Variants in LSS observed in about 807,000 individuals in gnomAD.
LSS encodes the protein lanosterol synthase, also known as 2,3-epoxysqualene-lanosterol cyclase.
Under a neutral mutation model 110.3 loss-of-function variants are expected in LSS, and 90 were observed. The ratio of observed to expected loss-of-function variants is 0.82; its 90% CI spans 0.69 to 0.97. The LOEUF is 0.97. Ranked by LOEUF, LSS falls within the 50% of genes least tolerant of loss-of-function variation. The probability of loss-of-function intolerance (pLI) is 0.00; values close to 1 mark genes in which losing one functional copy is unlikely to be tolerated. For missense variants in LSS, 927 were observed against 990.0 expected (o/e 0.94, Z 0.85); for synonymous variants, 433 against 400.0 (o/e 1.08, Z -0.98).
chr21:46,219,594 C>A (rs1044177241), intron 5 of LSS, 22 bp from the exon 6 acceptor site: 3 of 1,466,416 alleles, frequency 2.0e-6, no homozygotes, highest in Non-Finnish European at 2.8e-6. Context: ...GAGAATAGGC[C>A]CACGTCATCT....
rs185711203 is a variant in LSS, at chr21:46,190,254, T to C, written c.*850A>G. 1 of 174,618 alleles carries C rather than the reference T, an allele frequency of 5.7e-6. No homozygotes were observed. The highest frequency in any genetic ancestry group is 2.5e-5 in the African/African-American group (1 of 40,302). 10.8% of individuals were successfully genotyped at this position (174,618 alleles called of 1,614,324 possible). On this transcript the variant is annotated 3_prime_UTR_variant, in exon 22 of 22. Coordinates refer to ENST00000397728, the MANE Select transcript of LSS (RefSeq NM_002340.6). The surrounding 1 kb of genome is among the most constrained non-coding windows in gnomAD (Gnocchi z 4.6). Reference sequence around the variant, plus strand: ...TCGGCCTCCCCTGTGCATTTCTGTGTCCGTAAGTGTCCCCTGTGCATTTCT... The same window carrying C: ...TCGGCCTCCCCTGTGCATTTCTGTGCCCGTAAGTGTCCCCTGTGCATTTCT...
chr21:46,228,477 C>G lies in LSS; in HGVS notation c.137G>C (p.Arg46Pro), dbSNP rs767976178. ...WTYLQDERAG[R>P]EQTGLEAYAL... ...GTAGGCTTCCAGGCCGGTCTGCTCG[C>G]GGCCGGCGCGCTCGTCCTGCAGGTA... The change falls in exon 2 of 22, where the codon CGC becomes CCC. Residue 46 changes from arginine to proline, a missense_variant. Transcript: ENST00000397728. The G allele has an allele frequency of 6.2e-7, 1 of 1,603,468 alleles. No individual in the cohort carries two copies. The highest frequency in any genetic ancestry group is 1.1e-5 in the South Asian group (1 of 91,046).
rs549381449 is a variant in LSS, at chr21:46,190,278, C to G, written c.*826G>C. On this transcript the variant is annotated 3_prime_UTR_variant, in exon 22 of 22. Coordinates refer to ENST00000397728, the MANE Select transcript of LSS (RefSeq NM_002340.6). The surrounding 1 kb of genome is among the most constrained non-coding windows in gnomAD (Gnocchi z 4.6). The stretch of plus-strand genomic sequence containing the variant: ...GTCCGTAAGTGTCCCCTGTGCATTT[C>G]TGTGTCCACAAGACTACTATAAACC... The G allele has an allele frequency of 1.2e-5, 2 of 169,714 alleles. No individual in the cohort carries two copies. Among genetic ancestry groups the G allele is most frequent in the Admixed American group, 5.5e-5 (1 of 18,270 alleles). 10.5% of individuals were successfully genotyped at this position (169,714 alleles called of 1,614,324 possible).
chr21:46,228,715 G>C lies in LSS; in HGVS notation c.14+17C>G, dbSNP rs746241872. On this transcript the variant is annotated intron_variant, in intron 1 of 21. Transcript: ENST00000397728. ...ACCACCCCGCATTCGTCAGGAGCCC[G>C]GGGCGAGGGGACTCACGTGCCCTCC... The C allele has an allele frequency of 1.7e-5, 28 of 1,601,816 alleles. No homozygotes were observed. The highest frequency in any genetic ancestry group is 2.7e-5 in the African/African-American group (2 of 74,616).
chr21:46,218,387 G>A (rs922552586), intron 6 of LSS, among the ~76,000 whole-genome samples: 2 of 152,078 alleles, frequency 1.3e-5, no homozygotes, highest in Non-Finnish European at 2.9e-5. Flanking sequence ...ACTTTGGGAG[G>A]CCAAGGCAGG....
In LSS at chr21:46,215,714, G is replaced by A. The variant is rs769021391; in HGVS notation, c.863C>T (p.Pro288Leu). The A allele has an allele frequency of 4.3e-6, 7 of 1,612,176 alleles. No homozygotes were observed. The highest frequency in any genetic ancestry group is 2.7e-5 in the African/African-American group (2 of 74,828). Residue 288 changes from proline (P) to leucine (L), a missense_variant, in exon 8 of 22, where the codon CCG becomes CTG. By Grantham distance (98) the Pro-to-Leu change is moderately conservative. Coordinates refer to ENST00000397728, the MANE Select transcript of LSS (RefSeq NM_002340.6). ...TACCACGCGGAGCAGCCAGCTGTGC[G>A]GCGTGTACAGCTCGTCGGGGGCCAC... is the stretch of plus-strand genomic sequence containing the variant. The part of the protein sequence containing the change: ...NNVAPDELYT[P>L]HSWLLRVVYA...
rs1431640659 is a variant in LSS, at chr21:46,209,126, G to A, written c.1266+428C>T. Among the ~76,000 whole-genome samples the A allele has an allele frequency of 1.3e-5, 2 of 152,160 alleles. No homozygotes were observed. Among genetic ancestry groups the A allele is most frequent in the South Asian group, 2.1e-4 (1 of 4,834 alleles). On this transcript the variant is annotated intron_variant, in intron 13 of 21. Transcript: ENST00000397728. The surrounding 1 kb of genome is among the most constrained non-coding windows in gnomAD (Gnocchi z 4.4). ...GGCAGGGTCTGTGGGCAGCTGATCT[G>A]GCAGGAGGGACCGGGGCTTTTGCTG...
At chr21:46,200,900 C>T (rs1601420370) in intron 17 of LSS, among the ~76,000 whole-genome samples, 1 of 152,218 alleles carries the variant, frequency 6.6e-6, no homozygotes, top group Non-Finnish European at 1.5e-5. Context: ...AAGAATACAC[C>T]TGCTAAGAAA....
chr21:46,195,778 C>T (rs770715259), intron 18 of LSS, 22 bp from the exon 19 acceptor site: 2 of 1,595,018 alleles, frequency 1.3e-6, no homozygotes, highest in East Asian at 4.5e-5. Flanking sequence ...CAGGGAGAGC[C>T]TCAGCCCTTC....
intron 20 of LSS, chr21:46,192,854 T>C (rs1281793148): frequency 2.2e-6 from 1 of 451,122 alleles, no homozygotes; most frequent in African/African-American, 2.1e-5. Context: ...GATGGGATAC[T>C]GCGGGTGCAT....
At chr21:46,194,143 G>A (rs932070215) in intron 20 of LSS, among the ~76,000 whole-genome samples, 1 of 152,166 alleles carries the variant, frequency 6.6e-6, no homozygotes, top group African/African-American at 2.4e-5. Flanking sequence ...CAGCTGCTGT[G>A]ACCGTCATCA....
chr21:46,209,420 A>C lies in LSS; in HGVS notation c.1266+134T>G. 1 of 751,956 alleles carries C rather than the reference A, an allele frequency of 1.3e-6. No homozygotes were observed. Among genetic ancestry groups the C allele is most frequent in the Non-Finnish European group, 2.1e-6 (1 of 477,738 alleles). The allele number at this position is 751,956 out of a possible 1,614,324, so 46.6% of individuals were successfully genotyped here. A position where few individuals can be genotyped will look rare whatever the true frequency, so the allele number is the denominator to read the frequency against. ...GAGCAGGGGCTAGGGAGGGGATGGG[A>C]GGGTGGGGGTGACCTGAAACACCAG... On this transcript the variant is annotated intron_variant, in intron 13 of 21. Transcript: ENST00000397728. This position sits in a 1 kb window ranked among gnomAD's most constrained non-coding sequence, Gnocchi z 4.4.
chr21:46,196,342 G>T (rs1281393534), intron 17 of LSS, 75 bp from the exon 18 acceptor site: 3 of 1,204,988 alleles, frequency 2.5e-6, no homozygotes, highest in African/African-American at 3.0e-5. Context: ...TCCTTTCCAG[G>T]GTCTCAAAAG....
chr21:46,194,526 G>A lies in LSS; in HGVS notation c.1953C>T (p.Asn651=). 1 of 1,613,856 alleles carries A rather than the reference G, an allele frequency of 6.2e-7. No homozygotes were observed. Among genetic ancestry groups the A allele is most frequent in the Non-Finnish European group, 8.5e-7 (1 of 1,180,030 alleles). The change falls in exon 20 of 22, where the codon AAC becomes AAT. Residue 651 remains asparagine, a synonymous_variant. Coordinates refer to ENST00000397728, the MANE Select transcript of LSS (RefSeq NM_002340.6). ...YLQSAQSQIH[N]TCWAMMGLMA... is the part of the protein sequence containing the mutation. Reference sequence around the variant, plus strand: ...TCAGCCCCATCATGGCCCAGCATGTGTTATGGATCTGGGACTGGGCACTCT... The same window carrying A: ...TCAGCCCCATCATGGCCCAGCATGTATTATGGATCTGGGACTGGGCACTCT...
rs1183033429 is a variant in LSS, at chr21:46,213,022, T to A, written c.1137+3A>T. 2 of 1,613,896 alleles carry A rather than the reference T, an allele frequency of 1.2e-6. No homozygotes were observed. Among genetic ancestry groups the A allele is most frequent in the Non-Finnish European group, 8.5e-7 (1 of 1,180,018 alleles). On this transcript the variant is annotated splice_donor_region_variant and intron_variant, in intron 11 of 21. Coordinates refer to ENST00000397728, the MANE Select transcript of LSS (RefSeq NM_002340.6). ...CATGCAGCCGCAGTCCCGCAGCCCT[T>A]ACCTGCATTTTCATGCCGTCAAGGC...
chr21:46,212,824 G>A (rs569198495), intron 11 of LSS, among the ~76,000 whole-genome samples: 1 of 152,334 alleles, frequency 6.6e-6, no homozygotes, highest in South Asian at 2.1e-4. Context: ...GCTGCAGACA[G>A]ACATCGAGAA....
At chr21:46,192,011 C>T (rs1402290101) in intron 20 of LSS, 52 bp from the exon 21 acceptor site, 3 of 1,306,788 alleles carry the variant, frequency 2.3e-6, no homozygotes, top group Admixed American at 1.8e-5. Context: ...CCCACAGCAT[C>T]ATCCTCACCC....
At chr21:46,206,955 C>T (rs2080058094) in intron 15 of LSS, among the ~76,000 whole-genome samples, 187 bp from the exon 16 acceptor site, 1 of 152,194 alleles carries the variant, frequency 6.6e-6, no homozygotes, top group African/African-American at 2.4e-5. Context: ...GCAACCTCAT[C>T]TGTCAGGGCC....
rs2080041921 is a variant in LSS at position 46,205,881 on chromosome 21, T to G, written c.1625A>C (p.Lys542Thr). ...CTCCGGGAAACGCTTGTGGAAATACTTAAGCGCCTGCATCACGGCTGAGGT... is the reference window on the plus strand; with the variant it reads ...CTCCGGGAAACGCTTGTGGAAATACGTAAGCGCCTGCATCACGGCTGAGGT... ...ECTSAVMQAL[K>T]YFHKRFPEHR... The change falls in exon 17 of 22, where the codon AAG (lysine) becomes ACG (threonine). Residue 542 changes from lysine (K) to threonine (T), a missense_variant. Physicochemically the swap from Lys to Thr is moderately conservative, Grantham distance 78. Transcript: ENST00000397728. The G allele has an allele frequency of 3.1e-6, 5 of 1,611,208 alleles. No individual in the cohort carries two copies. The Admixed American group carries it at 8.4e-5, about 27-fold the overall frequency.
Sources: allele counts gnomAD v4.1 joint callset (sites outside exome capture counted in the v4.1 genomes callset), GRCh38; gene constraint gnomAD v4.1.1; non-coding constraint Gnocchi (gnomAD v3.1); transcripts MANE v1.5; gene names NCBI Gene and HGNC (gene_info 2026-07-23, HGNC 2026-07-21).